FRRS1: variants seen among roughly 807,000 people sequenced by gnomAD.
FRRS1 encodes ferric reductase 1.
FRRS1 carries 51 observed loss-of-function variants against 70.7 expected under a neutral mutation model. That is an observed-to-expected ratio of 0.72 (90% CI 0.58 to 0.91). The LOEUF is 0.91. Among genes scored for constraint, FRRS1 ranks in the 40% least tolerant of loss-of-function variants. FRRS1 has a pLI of 0.00. For synonymous variants in FRRS1, 225 were observed against 238.7 expected, an observed-to-expected ratio of 0.94 and a Z score of 0.53; for missense variants, 672 against 726.0, an observed-to-expected ratio of 0.93 and a Z score of 0.86.
chr1:99,754,509 G>GAA (rs1242976942), intron 1 of FRRS1, among the ~76,000 whole-genome samples: 16 of 57,766 alleles, frequency 2.8e-4, no homozygotes, highest in African/African-American at 1.4e-3. Flanking sequence ...GAGAGAGAAA[G>GAA]AGAGAGAGAG....
In FRRS1 at chr1:99,719,536, T is replaced by G; in HGVS notation, c.1118A>C (p.His373Pro). The G allele has an allele frequency of 6.6e-7, 1 of 1,525,184 alleles. No individual in the cohort carries two copies. The highest frequency in any genetic ancestry group is 9.1e-7 in the Non-Finnish European group (1 of 1,099,500). 94.5% of individuals were successfully genotyped at this position (1,525,184 alleles called of 1,614,324 possible). A position where few individuals can be genotyped will look rare whatever the true frequency, so the allele number is the denominator to read the frequency against. Residue 373 changes from histidine to proline, a missense_variant and splice_region_variant, in exon 10 of 17, where the codon CAT (histidine) becomes CCT (proline). By Grantham distance (77) the His-to-Pro change is moderately conservative. Transcript: ENST00000646001. ...GSHSVLLLKV[H>P]GALMFVAWMT... The stretch of plus-strand genomic sequence containing the variant: ...AAGTAGTTACACATGTAACCTACCA[T>G]GAACCTTCAGAAGGAGTACAGAATG...
intron 11 of FRRS1, 68 bp from the exon 12 acceptor site, chr1:99,715,740 G>A (rs1654491620): frequency 9.9e-7 from 1 of 1,009,030 alleles, no homozygotes; most frequent in Non-Finnish European, 1.6e-6. Context: ...TTGCAACGGG[G>A]AAAATGGGGA....
intron 1 of FRRS1, among the ~76,000 whole-genome samples, chr1:99,754,869 T>G (rs2640912): frequency 0.49 from 75,153 of 152,016 alleles, 22,595 homozygotes; most frequent in African/African-American, 0.85. Context: ...AAATATACAC[T>G]TTAACCAGCC....
chr1:99,727,606 T>C (rs1231757990), intron 9 of FRRS1, among the ~76,000 whole-genome samples: 3 of 152,196 alleles, frequency 2.0e-5, no homozygotes, highest in Non-Finnish European at 4.4e-5. Flanking sequence ...CTTTTCACAA[T>C]TTGCCTGTAT....
chr1:99,710,895 C>T lies in FRRS1; in HGVS notation c.1535G>A (p.Trp512Ter). 1 of 1,613,810 alleles carries T rather than the reference C, an allele frequency of 6.2e-7. No individual in the cohort carries two copies. Among genetic ancestry groups the T allele is most frequent in the East Asian group, 2.2e-5 (1 of 44,870 alleles). ...DLPGLNLPDS[W>*]KTYAMTGFVA... ...GAATCCGGTCATTGCATAGGTTTTC[C>T]ATGAATCAGGAAGATTCAGTCCTGG... Residue 512 changes from tryptophan to a stop codon, truncating the protein, a stop_gained, in exon 15 of 17, where the codon TGG becomes TAG. Transcript: ENST00000646001. LOFTEE classifies it high-confidence loss of function.
chr1:99,718,074 A>T (rs1366994993), intron 10 of FRRS1, among the ~76,000 whole-genome samples: 1 of 152,216 alleles, frequency 6.6e-6, no homozygotes, highest in Admixed American at 6.5e-5. Flanking sequence ...CAACAACAAT[A>T]AAGTTACTTT....
intron 7 of FRRS1, among the ~76,000 whole-genome samples, chr1:99,733,481 C>T (rs1168540443): frequency 6.6e-6 from 1 of 152,200 alleles, no homozygotes; most frequent in Non-Finnish European, 1.5e-5. Context: ...TGGAGAACAT[C>T]TTGTTACACC....
chr1:99,705,745 A>G lies in FRRS1; in HGVS notation c.*3283T>C, dbSNP rs1045558479. 1.3e-5 allele frequency among the ~76,000 whole-genome samples: 2 copies of G among 152,236 alleles called. No individual in the cohort carries two copies. The highest frequency in any genetic ancestry group is 2.9e-5 in the Non-Finnish European group (2 of 68,040). ...CCCTTAAGATTGATTTCTGCAGACC[A>G]GAGAATTTTTTTATTGCCTCAGCTA... On this transcript the variant is annotated 3_prime_UTR_variant, in exon 17 of 17. Coordinates refer to ENST00000646001, the MANE Select transcript of FRRS1 (RefSeq NM_001361041.2).
Position 99,717,503 on chromosome 1 carries a change from C to G in FRRS1, c.1143G>C (p.Trp381Cys), listed in dbSNP as rs1654593462. The G allele has an allele frequency of 6.2e-7, 1 of 1,613,436 alleles. No homozygotes were observed. ...KVHGALMFVA[W>C]MTTVSIGVLV... ...GTACACCTATGCTAACAGTAGTCAT[C>G]CATGCCACAAACATTAAGGCACCTA... The change falls in exon 11 of 17, where the codon TGG becomes TGC. Residue 381 changes from tryptophan (W) to cysteine (C), a missense_variant. Trp to Cys is a radical substitution (Grantham distance 215). Transcript: ENST00000646001.
Position 99,759,687 on chromosome 1 carries a change from T to C in FRRS1, c.-106+6920A>G, listed in dbSNP as rs150637902. 3.2e-3 allele frequency among the ~76,000 whole-genome samples: 486 copies of C among 152,240 alleles called. 2 individuals are homozygous for C. Among genetic ancestry groups the C allele is most frequent in the African/African-American group, 0.011 (465 of 41,540 alleles). ...TGTGGACAAAGGGAAAGAAAAGGAT[T>C]GTAGTTTTACTGTAGAGTCAAAGGA... is the stretch of plus-strand genomic sequence containing the variant. On this transcript the variant is annotated intron_variant, in intron 1 of 16. Coordinates refer to ENST00000646001, the MANE Select transcript of FRRS1 (RefSeq NM_001361041.2).
chr1:99,723,876 G>A (rs1654953468), intron 9 of FRRS1, among the ~76,000 whole-genome samples: 1 of 152,132 alleles, frequency 6.6e-6, no homozygotes, highest in Non-Finnish European at 1.5e-5. Context: ...AAATGAGAAA[G>A]AAGAGTTTTA....
chr1:99,737,749 G>T (rs910510325), intron 7 of FRRS1, among the ~76,000 whole-genome samples: 1 of 151,978 alleles, frequency 6.6e-6, no homozygotes, highest in Non-Finnish European at 1.5e-5. Context: ...GTTTGTTTTG[G>T]GGGGGTTTTT....
intron 9 of FRRS1, among the ~76,000 whole-genome samples, chr1:99,724,066 A>G (rs1321969456): frequency 6.6e-6 from 1 of 152,234 alleles, no homozygotes; most frequent in Non-Finnish European, 1.5e-5. Flanking sequence ...TCCAAGCCCA[A>G]CAAGCCTGAG....
At position 99,734,008 on chromosome 1, in the gene FRRS1, TTAC is replaced by T. The variant is rs1359425679; in HGVS notation, c.759+4075_759+4077del. 2.3e-3 allele frequency among the ~76,000 whole-genome samples: 356 copies of T among 152,326 alleles called. 1 individual carries two copies. Among genetic ancestry groups the T allele is most frequent in the African/African-American group, 7.9e-3 (328 of 41,580 alleles). ...TGCACTGATGTGGAAATAATATCCC[TTAC>T]ATAGCATTTGTGCCAAAAAGTCTTA... On this transcript the variant is annotated intron_variant, in intron 7 of 16. Transcript: ENST00000646001.
intron 7 of FRRS1, among the ~76,000 whole-genome samples, chr1:99,735,714 A>T (rs1355395670): frequency 6.6e-6 from 1 of 152,210 alleles, no homozygotes; most frequent in Non-Finnish European, 1.5e-5. Context: ...AACAGATAAG[A>T]TTTCTAAGTA....
Position 99,707,664 on chromosome 1 carries a change from T to C in FRRS1, c.*1364A>G, listed in dbSNP as rs1465358685. Among the ~76,000 whole-genome samples the C allele has an allele frequency of 6.6e-6, 1 of 152,222 alleles. No individual in the cohort carries two copies. Among genetic ancestry groups the C allele is most frequent in the Non-Finnish European group, 1.5e-5 (1 of 68,022 alleles). On this transcript the variant is annotated 3_prime_UTR_variant, in exon 17 of 17. Coordinates refer to ENST00000646001, the MANE Select transcript of FRRS1 (RefSeq NM_001361041.2). ...ATTTAAGGGAAATGCCATCCGGTAA[T>C]GTTACCTAAATACTAGAAAGGAATC...
intron 10 of FRRS1, 40 bp downstream of exon 10, chr1:99,719,494 G>A (rs959530287): frequency 2.0e-6 from 2 of 1,010,536 alleles, no homozygotes; most frequent in East Asian, 4.8e-5. Flanking sequence ...TGAGTCAGCA[G>A]GTAAGTTGAT....
intron 7 of FRRS1, among the ~76,000 whole-genome samples, chr1:99,730,686 T>C (rs979797314): frequency 2.8e-4 from 42 of 152,108 alleles, no homozygotes; most frequent in African/African-American, 1.0e-3. Context: ...GCTAACATGG[T>C]GAAACCCCGT....
intron 4 of FRRS1, among the ~76,000 whole-genome samples, chr1:99,746,935 C>G (rs1656302637): frequency 6.6e-6 from 1 of 152,166 alleles, no homozygotes; most frequent in Non-Finnish European, 1.5e-5. Context: ...ACAGCAAGAC[C>G]AGCCACTCCT....
Sources: allele counts gnomAD v4.1 joint callset (sites outside exome capture counted in the v4.1 genomes callset), GRCh38; gene constraint gnomAD v4.1.1; transcripts MANE v1.5; gene names NCBI Gene and HGNC (gene_info 2026-07-23, HGNC 2026-07-21).